The following TRAPPC9 variants were observed in gnomAD, a reference collection of about 807,000 sequenced individuals.
TRAPPC9 encodes IKK2 binding protein.
TRAPPC9 carries 83 observed loss-of-function variants against 124.0 expected under a neutral mutation model. That is an observed-to-expected ratio of 0.67 (90% CI 0.56 to 0.80). The LOEUF is 0.80. Ranked by LOEUF, TRAPPC9 falls within the 30% of genes least tolerant of loss-of-function variation. TRAPPC9 has a pLI of 0.00. For missense variants in TRAPPC9, 1,302 were observed against 1,508.3 expected, an observed-to-expected ratio of 0.86 and a Z score of 2.27; for synonymous variants, 638 against 617.5, an observed-to-expected ratio of 1.03 and a Z score of -0.49.
chr8:140,161,735 A>G (rs992688068), intron 17 of TRAPPC9, among the ~76,000 whole-genome samples: 3 of 152,092 alleles, frequency 2.0e-5, no homozygotes, highest in South Asian at 2.1e-4. Flanking sequence ...TCATTCCAGC[A>G]TATCACAGGG....
At chr8:140,007,981 T>C (rs1326364443) in intron 18 of TRAPPC9, among the ~76,000 whole-genome samples, 10 of 152,194 alleles carry the variant, frequency 6.6e-5, no homozygotes, top group African/African-American at 2.4e-4. Context: ...GGATGACACA[T>C]GGAACTCGGG....
intron 17 of TRAPPC9, among the ~76,000 whole-genome samples, chr8:140,094,395 G>A (rs571811161): frequency 1.1e-4 from 17 of 152,286 alleles, no homozygotes; most frequent in South Asian, 4.1e-4. Flanking sequence ...GGCTGGCTCC[G>A]AGAGCCACGC....
chr8:139,813,375 C>T (rs1288008386), intron 21 of TRAPPC9, among the ~76,000 whole-genome samples: 1 of 152,282 alleles, frequency 6.6e-6, no homozygotes, highest in Non-Finnish European at 1.5e-5. Context: ...CAACACGCTG[C>T]AGTGCCTCCC....
chr8:140,107,701 C>A (rs1456329533), intron 17 of TRAPPC9, among the ~76,000 whole-genome samples: 1 of 152,192 alleles, frequency 6.6e-6, no homozygotes, highest in African/African-American at 2.4e-5. Context: ...GCATGGAAAT[C>A]ATTTCCTTGT....
At chr8:139,770,237 G>A (rs887371795) in intron 21 of TRAPPC9, among the ~76,000 whole-genome samples, 1 of 152,242 alleles carries the variant, frequency 6.6e-6, no homozygotes, top group Admixed American at 6.5e-5. Flanking sequence ...GAGCCCAGAC[G>A]CCCCGGAGAG....
At chr8:139,949,071 T>C (rs901066328) in intron 19 of TRAPPC9, among the ~76,000 whole-genome samples, 3 of 151,098 alleles carry the variant, frequency 2.0e-5, no homozygotes, top group African/African-American at 7.3e-5. Flanking sequence ...AGACTCCATC[T>C]CAAAAAAATA....
rs192215415 is a variant in TRAPPC9 at position 140,308,347 on chromosome 8, C to T, written c.1622+2901G>A. Among the ~76,000 whole-genome samples the T allele has an allele frequency of 1.1e-4, 17 of 150,434 alleles. No individual in the cohort carries two copies. In the East Asian group the frequency reaches 3.3e-3, roughly 29 times the overall value. ...GAGCAGAGTAGGCTACGAGATACTCCGGCTCTCCAAATGTTCCAAAGACCT... is the reference window on the plus strand; with the variant it reads ...GAGCAGAGTAGGCTACGAGATACTCTGGCTCTCCAAATGTTCCAAAGACCT... On this transcript the variant is annotated intron_variant, in intron 10 of 22. Coordinates refer to ENST00000438773, the MANE Select transcript of TRAPPC9 (RefSeq NM_001160372.4).
Position 140,075,667 on chromosome 8 carries a change from A to T in TRAPPC9, c.2557-51588T>A, listed in dbSNP as rs559617542. ...GTCAGTAAAGTGAGCACGGCACAGC[A>T]TCATCCCCCTTCTTTCCTATAACCA... On this transcript the variant is annotated intron_variant, in intron 17 of 22. Coordinates refer to ENST00000438773, the MANE Select transcript of TRAPPC9 (RefSeq NM_001160372.4). Among the ~76,000 whole-genome samples, 86 of 152,356 alleles carry T rather than the reference A, an allele frequency of 5.6e-4. 1 individual carries two copies. In the South Asian group the frequency reaches 0.017, roughly 30 times the overall value.
intron 7 of TRAPPC9, among the ~76,000 whole-genome samples, chr8:140,381,362 C>T (rs2068602602): frequency 6.6e-6 from 1 of 151,824 alleles, no homozygotes; most frequent in East Asian, 1.9e-4. Flanking sequence ...GAAAGTAAAC[C>T]CCAATTTAAA....
intron 11 of TRAPPC9, 100 bp downstream of exon 11, chr8:140,300,369 A>G: frequency 8.8e-6 from 13 of 1,469,994 alleles, no homozygotes; most frequent in Middle Eastern, 3.5e-4. Context: ...ACACACATGC[A>G]CATGCATGAA....
At chr8:140,120,155 C>T (rs2060957684) in intron 17 of TRAPPC9, among the ~76,000 whole-genome samples, 1 of 152,232 alleles carries the variant, frequency 6.6e-6, no homozygotes, top group Non-Finnish European at 1.5e-5. Flanking sequence ...AGAGGTGACA[C>T]AGCCCCAGCC....
At chr8:140,195,218 T>C (rs10102996) in intron 17 of TRAPPC9, among the ~76,000 whole-genome samples, 123,001 of 151,166 alleles carry the variant, frequency 0.81, 50,276 homozygotes, top group African/African-American at 0.89. Flanking sequence ...ACACACTCAA[T>C]GATCCACCGT....
At chr8:140,208,328 A>G (rs1189494862) in intron 17 of TRAPPC9, among the ~76,000 whole-genome samples, 1 of 152,198 alleles carries the variant, frequency 6.6e-6, no homozygotes, top group African/African-American at 2.4e-5. Flanking sequence ...CCAGTCCTAA[A>G]GACAACAAAA....
chr8:139,798,459 G>A (rs1054316688), intron 21 of TRAPPC9, among the ~76,000 whole-genome samples: 2 of 152,184 alleles, frequency 1.3e-5, no homozygotes, highest in African/African-American at 4.8e-5. Context: ...ATCAGAAGGG[G>A]GTTGATGTGT....
intron 21 of TRAPPC9, among the ~76,000 whole-genome samples, chr8:139,832,219 C>A (rs1432309670): frequency 1.3e-5 from 2 of 152,220 alleles, no homozygotes; most frequent in Non-Finnish European, 2.9e-5. Context: ...AGTGCACTTT[C>A]TAATCAATGA....
intron 17 of TRAPPC9, among the ~76,000 whole-genome samples, chr8:140,168,950 TTAA>T (rs578163541): frequency 6.1e-4 from 93 of 151,634 alleles, no homozygotes; most frequent in Non-Finnish European, 1.2e-3. Context: ...TAGTAGGCTT[TTAA>T]TAAATGCCTG....
chr8:140,432,473 C>T (rs923257377), intron 4 of TRAPPC9, among the ~76,000 whole-genome samples: 1 of 152,100 alleles, frequency 6.6e-6, no homozygotes, highest in Non-Finnish European at 1.5e-5. Context: ...AGGTTGAGAC[C>T]CAGAGAATTT....
intron 2 of TRAPPC9, among the ~76,000 whole-genome samples, chr8:140,444,019 G>A (rs1380063092): frequency 8.9e-6 from 1 of 111,752 alleles, no homozygotes; most frequent in Non-Finnish European, 1.7e-5. Context: ...CTGGGCGACA[G>A]AGCTAGACTC....
At chr8:139,785,709 A>G (rs1229203120) in intron 21 of TRAPPC9, among the ~76,000 whole-genome samples, 1 of 151,174 alleles carries the variant, frequency 6.6e-6, no homozygotes, top group Non-Finnish European at 1.5e-5. Context: ...AGCCTGGGCA[A>G]CAGAGCAAGA....
Sources: allele counts gnomAD v4.1 joint callset (sites outside exome capture counted in the v4.1 genomes callset), GRCh38; gene constraint gnomAD v4.1.1; transcripts MANE v1.5; gene names NCBI Gene and HGNC (gene_info 2026-07-23, HGNC 2026-07-21).